Variants in SGK1 observed in about 807,000 individuals in gnomAD.
The protein encoded by SGK1 is serum/glucocorticoid regulated kinase 1.
In SGK1, 26 loss-of-function variants were observed where a neutral mutation model predicts 64.2. The ratio of observed to expected loss-of-function variants is 0.40; its 90% CI spans 0.30 to 0.56. The LOEUF (loss-of-function observed/expected upper bound fraction) is 0.56. Ranked by LOEUF, SGK1 falls within the 20% of genes least tolerant of loss-of-function variation. SGK1 has a pLI of 0.38. For missense variants in SGK1, 519 were observed against 645.6 expected, an observed-to-expected ratio of 0.80 and a Z score of 2.12; for synonymous variants, 265 against 239.7, an observed-to-expected ratio of 1.11 and a Z score of -0.98.
At chr6:134,186,539 G>A (rs960543129) in intron 3 of SGK1, among the ~76,000 whole-genome samples, 1 of 152,148 alleles carries the variant, frequency 6.6e-6, no homozygotes, top group Non-Finnish European at 1.5e-5. Context: ...TGCAGTGCTT[G>A]GTTCTGTAAC....
chr6:134,181,053 C>A (rs138153510), intron 3 of SGK1, among the ~76,000 whole-genome samples: 2 of 152,286 alleles, frequency 1.3e-5, no homozygotes, highest in African/African-American at 4.8e-5. Flanking sequence ...CAATATCTGG[C>A]CTGGTCGGCC....
At chr6:134,301,530 TTTCTTCTCTTCTC>T (rs1562279071) in intron 1 of SGK1, among the ~76,000 whole-genome samples, 2 of 103,270 alleles carry the variant, frequency 1.9e-5, no homozygotes. Flanking sequence ...TCTTTTCTCT[TTTCTTCTCTTCTC>T]TTCTCTTCTC....
intron 3 of SGK1, chr6:134,175,002 C>G (rs1381353741): frequency 1.7e-6 from 2 of 1,156,664 alleles, no homozygotes; most frequent in African/African-American, 1.6e-5. Flanking sequence ...GGCGGCTACG[C>G]TGCCTGCGGC....
chr6:134,304,186 A>T (rs1777500365), intron 1 of SGK1, among the ~76,000 whole-genome samples: 1 of 152,234 alleles, frequency 6.6e-6, no homozygotes, highest in Non-Finnish European at 1.5e-5. Flanking sequence ...AATGCAGCCA[A>T]GGAAAGACTC....
intron 10 of SGK1, 112 bp from the exon 11 acceptor site, chr6:134,171,844 A>G (rs1403463524): frequency 2.0e-5 from 14 of 695,390 alleles, no homozygotes; most frequent in Non-Finnish European, 3.2e-5. Context: ...TGGAAGATAG[A>G]TATCTTTAGA....
At chr6:134,188,582 G>T (rs1775458247) in intron 3 of SGK1, among the ~76,000 whole-genome samples, 1 of 152,156 alleles carries the variant, frequency 6.6e-6, no homozygotes, top group Non-Finnish European at 1.5e-5. Context: ...CATAGCATGA[G>T]GGTATGACAC....
At chr6:134,308,586 T>C (rs1306125522) in intron 1 of SGK1, among the ~76,000 whole-genome samples, 1 of 152,136 alleles carries the variant, frequency 6.6e-6, no homozygotes, top group Admixed American at 6.5e-5. Flanking sequence ...AGACAGAGTC[T>C]CTCTCTGTCA....
intron 3 of SGK1, chr6:134,174,830 G>C (rs751495376): frequency 1.2e-5 from 19 of 1,613,862 alleles, no homozygotes; most frequent in South Asian, 3.3e-5. Flanking sequence ...GAGACAGAAA[G>C]ACGTTAGCGC....
intron 2 of SGK1, among the ~76,000 whole-genome samples, chr6:134,220,488 G>A (rs533016865): frequency 5.8e-4 from 88 of 152,270 alleles, no homozygotes; most frequent in African/African-American, 1.9e-3. Context: ...AGATATAGCA[G>A]TTTAGAGCAT....
intron 2 of SGK1, chr6:134,261,541 A>G (rs912929904): frequency 2.6e-6 from 1 of 387,044 alleles, no homozygotes; most frequent in African/African-American, 2.0e-5. Flanking sequence ...GTGAAACTTA[A>G]CTGTATGATA....
chr6:134,226,506 C>A (rs957215306), intron 2 of SGK1, among the ~76,000 whole-genome samples: 38 of 151,856 alleles, frequency 2.5e-4, no homozygotes, highest in African/African-American at 9.2e-4. Flanking sequence ...GTCTGGGCAA[C>A]ATGGTGAAAC....
intron 2 of SGK1, among the ~76,000 whole-genome samples, chr6:134,232,473 A>AAGAAAGAAAGAAAGAAAGAAAGAAAG (rs1562259828): frequency 2.1e-5 from 2 of 96,190 alleles, no homozygotes; most frequent in African/African-American, 5.1e-5. Context: ...GAAAGAAAGA[A>AAGAAAGAAAGAAAGAAAGAAAGAAAG]AGAAAGAAAG....
intron 2 of SGK1, 66 bp from the exon 3 acceptor site, chr6:134,207,497 T>C: frequency 9.1e-7 from 1 of 1,093,940 alleles, no homozygotes; most frequent in Non-Finnish European, 1.4e-6. Context: ...ATTTTAGGCT[T>C]ATAGTTCTAG....
chr6:134,258,355 C>A (rs1023860460), intron 2 of SGK1, among the ~76,000 whole-genome samples: 4 of 152,096 alleles, frequency 2.6e-5, no homozygotes, highest in African/African-American at 9.7e-5. Context: ...CCTGGGGTTA[C>A]AGGCATGAGC....
At chr6:134,241,048 CTTTTTTTTTT>C (rs10686058) in intron 2 of SGK1, among the ~76,000 whole-genome samples, 3 of 74,080 alleles carry the variant, frequency 4.0e-5, no homozygotes, top group African/African-American at 1.0e-4. Flanking sequence ...TTCTTTTTTT[CTTTTTTTTTT>C]TTTTTTTTTG....
At chr6:134,267,156 T>C (rs1776866311) in intron 1 of SGK1, among the ~76,000 whole-genome samples, 1 of 152,188 alleles carries the variant, frequency 6.6e-6, no homozygotes, top group South Asian at 2.1e-4. Flanking sequence ...GCTTGAGTTA[T>C]GGCCAACAAA....
chr6:134,297,396 TC>T, intron 1 of SGK1: 1 of 770,448 alleles, frequency 1.3e-6, no homozygotes, highest in Non-Finnish European at 2.3e-6. Flanking sequence ...AACAGCCAGC[TC>T]CCCATGCTGC....
intron 1 of SGK1, among the ~76,000 whole-genome samples, chr6:134,306,865 G>A (rs1777542152): frequency 7.4e-6 from 1 of 134,272 alleles, no homozygotes; most frequent in Non-Finnish European, 1.6e-5. Flanking sequence ...ACATCAAAGT[G>A]CTCAATTCAT....
At chr6:134,261,857 C>A in intron 2 of SGK1, 76 bp downstream of exon 2, 2 of 1,070,204 alleles carry the variant, frequency 1.9e-6, no homozygotes, top group Admixed American at 3.4e-5. Context: ...TTTGGGTATA[C>A]TCTGGCAGAA....
Sources: gnomAD v4.1 joint callset for allele counts (sites outside exome capture counted in the v4.1 genomes callset) on GRCh38, gnomAD v4.1.1 for gene constraint, MANE v1.5 for transcripts, NCBI Gene and HGNC (gene_info 2026-07-23, HGNC 2026-07-21) for gene names.